CTNNA3: variants seen among roughly 807,000 people sequenced by gnomAD.
CTNNA3 encodes catenin alpha 3, also known as catenin alpha-3.
Under a neutral mutation model 95.7 loss-of-function variants are expected in CTNNA3, and 76 were observed. The observed-to-expected ratio is 0.79, with a 90% CI of 0.66 to 0.96. The LOEUF is 0.96. Ranked by LOEUF, CTNNA3 falls within the 40% of genes least tolerant of loss-of-function variation. The probability of loss-of-function intolerance (pLI) is 0.00; values close to 1 mark genes in which losing one functional copy is unlikely to be tolerated. For missense variants in CTNNA3, 1,191 were observed against 1,089.8 expected (o/e 1.09, Z -1.31); for synonymous variants, 431 against 374.4 (o/e 1.15, Z -1.74).
At chr10:66,509,699 G>A (rs1840587700) in intron 11 of CTNNA3, among the ~76,000 whole-genome samples, 1 of 151,454 alleles carries the variant, frequency 6.6e-6, no homozygotes, top group South Asian at 2.1e-4. Flanking sequence ...GTATTTCTGG[G>A]TTCTCTATCT....
intron 1 of CTNNA3, among the ~76,000 whole-genome samples, chr10:67,702,017 A>C (rs1841044012): frequency 6.6e-6 from 1 of 152,170 alleles, no homozygotes; most frequent in South Asian, 2.1e-4. Flanking sequence ...CAAAGATCAA[A>C]AGAGACAAAG....
chr10:67,146,441 C>T (rs1189626645), intron 7 of CTNNA3, among the ~76,000 whole-genome samples: 4 of 152,086 alleles, frequency 2.6e-5, no homozygotes, highest in East Asian at 1.9e-4. Flanking sequence ...GGAATCTAGA[C>T]GAACATTTTT....
chr10:66,971,387 C>T (rs549836241), intron 7 of CTNNA3, among the ~76,000 whole-genome samples: 2 of 151,770 alleles, frequency 1.3e-5, no homozygotes, highest in South Asian at 4.2e-4. Flanking sequence ...GATCGTGCCA[C>T]TGCACTCTAA....
chr10:67,718,003 G>A (rs1008449854), intron 1 of CTNNA3, among the ~76,000 whole-genome samples: 1 of 152,080 alleles, frequency 6.6e-6, no homozygotes, highest in Non-Finnish European at 1.5e-5. Flanking sequence ...TTGAGCAATG[G>A]TTTATAGTTC....
chr10:66,055,935 A>AAG (rs2080077297), intron 15 of CTNNA3, among the ~76,000 whole-genome samples: 1 of 151,658 alleles, frequency 6.6e-6, no homozygotes, highest in Non-Finnish European at 1.5e-5. Context: ...AAAAAAAAAA[A>AAG]AAAAAAAAGA....
At chr10:66,294,395 G>A (rs192145908) in intron 12 of CTNNA3, among the ~76,000 whole-genome samples, 40 of 152,194 alleles carry the variant, frequency 2.6e-4, no homozygotes, top group African/African-American at 7.9e-4. Context: ...ACACTCAATC[G>A]CTGTTACAAA....
intron 9 of CTNNA3, among the ~76,000 whole-genome samples, chr10:66,627,988 C>G (rs1011689184): frequency 1.3e-5 from 2 of 152,068 alleles, no homozygotes; most frequent in Admixed American, 1.3e-4. Flanking sequence ...TTTTCAGATG[C>G]CCAGGATCCA....
intron 9 of CTNNA3, among the ~76,000 whole-genome samples, chr10:66,685,289 A>ATATACG (rs1847232065): frequency 1.4e-5 from 1 of 71,412 alleles, no homozygotes; most frequent in African/African-American, 7.9e-5. Context: ...ATATAAGTAT[A>ATATACG]TATATGTGTG....
intron 7 of CTNNA3, among the ~76,000 whole-genome samples, chr10:66,805,101 AC>A (rs1398998194): frequency 6.6e-6 from 1 of 152,144 alleles, no homozygotes; most frequent in African/African-American, 2.4e-5. Context: ...AACATTTCAC[AC>A]GTGTCGTCAC....
intron 5 of CTNNA3, among the ~76,000 whole-genome samples, chr10:67,224,017 T>C (rs1010645765): frequency 6.6e-6 from 1 of 152,216 alleles, no homozygotes; most frequent in African/African-American, 2.4e-5. Context: ...CATATACATA[T>C]ACATTGTGTA....
chr10:66,438,493 C>T (rs900221096), intron 11 of CTNNA3, among the ~76,000 whole-genome samples: 3 of 152,116 alleles, frequency 2.0e-5, no homozygotes, highest in Non-Finnish European at 4.4e-5. Flanking sequence ...GCTTTGTTTA[C>T]ACTGTGAGGG....
intron 11 of CTNNA3, among the ~76,000 whole-genome samples, chr10:66,411,403 C>T (rs2093104378): frequency 6.6e-6 from 1 of 152,002 alleles, no homozygotes. Context: ...TACATAAACA[C>T]TATCAGGAGA....
chr10:66,611,631 G>A (rs1045118750), intron 10 of CTNNA3, among the ~76,000 whole-genome samples: 1 of 151,990 alleles, frequency 6.6e-6, no homozygotes, highest in African/African-American at 2.4e-5. Context: ...ACTATTCTTT[G>A]GTTAAGATGA....
In CTNNA3 at chr10:66,380,621, C is replaced by A. The variant is rs903953973; in HGVS notation, c.1532-1269G>T. Among the ~76,000 whole-genome samples the A allele has an allele frequency of 3.3e-3, 346 of 105,700 alleles. 1 individual carries two copies. The highest frequency in any genetic ancestry group is 0.014 in the African/African-American group (324 of 23,512). The allele number at this position is 105,700 out of a possible 152,430, so 69.3% of individuals were successfully genotyped here. A position where few individuals can be genotyped will look rare whatever the true frequency, so the allele number is the denominator to read the frequency against. ...AGGCCCTATCTATCTATCTATCTATCTATCTATATATATATATATATTAAA... is the reference window on the plus strand; with the variant it reads ...AGGCCCTATCTATCTATCTATCTATATATCTATATATATATATATATTAAA... On this transcript the variant is annotated intron_variant, in intron 11 of 17. Transcript: ENST00000433211.
At chr10:66,316,880 C>T (rs2092109062) in intron 12 of CTNNA3, among the ~76,000 whole-genome samples, 1 of 151,938 alleles carries the variant, frequency 6.6e-6, no homozygotes, top group Non-Finnish European at 1.5e-5. Context: ...AGACCAAAAC[C>T]TATGAACTTT....
intron 7 of CTNNA3, among the ~76,000 whole-genome samples, chr10:66,983,955 G>A (rs922547052): frequency 4.6e-5 from 7 of 152,260 alleles, no homozygotes; most frequent in African/African-American, 1.7e-4. Context: ...ACGGTAAATG[G>A]TAGATACTAT....
intron 10 of CTNNA3, among the ~76,000 whole-genome samples, chr10:66,582,164 T>C (rs977123335): frequency 6.6e-6 from 1 of 151,902 alleles, no homozygotes. Flanking sequence ...GGATTGATTT[T>C]TCTAATTCTG....
chr10:66,929,067 C>A (rs1847229537), intron 7 of CTNNA3, among the ~76,000 whole-genome samples: 1 of 152,270 alleles, frequency 6.6e-6, no homozygotes, highest in East Asian at 1.9e-4. Flanking sequence ...AAGGCAAGCA[C>A]AGGGACAAAG....
chr10:67,021,902 C>A (rs1356535294), intron 7 of CTNNA3, among the ~76,000 whole-genome samples: 1 of 152,134 alleles, frequency 6.6e-6, no homozygotes, highest in Non-Finnish European at 1.5e-5. Context: ...AAGAAGGATG[C>A]AGACTTAGAG....
Sources: gnomAD v4.1 joint callset for allele counts (sites outside exome capture counted in the v4.1 genomes callset) on GRCh38, gnomAD v4.1.1 for gene constraint, MANE v1.5 for transcripts, NCBI Gene and HGNC (gene_info 2026-07-23, HGNC 2026-07-21) for gene names.